FGF2: variants seen among roughly 807,000 people sequenced by gnomAD.
The protein encoded by FGF2 is fibroblast growth factor 2.
Under a neutral mutation model 15.9 loss-of-function variants are expected in FGF2, and 13 were observed. The observed-to-expected ratio is 0.82, with a 90% CI of 0.53 to 1.30. FGF2 has a LOEUF of 1.30. Ranked by LOEUF, FGF2 falls within the 50% of genes most tolerant of loss-of-function variation. The pLI is 0.00. For missense variants in FGF2, 163 were observed against 196.9 expected, an observed-to-expected ratio of 0.83 and a Z score of 1.03; for synonymous variants, 90 against 78.4, an observed-to-expected ratio of 1.15 and a Z score of -0.78.
At chr4:122,851,776 T>A (rs1726237282) in intron 1 of FGF2, among the ~76,000 whole-genome samples, 1 of 152,252 alleles carries the variant, frequency 6.6e-6, no homozygotes, top group African/African-American at 2.4e-5. Flanking sequence ...CTCATTTCTC[T>A]GGTGAGCTCA....
chr4:122,869,185 A>G (rs1259438960), intron 1 of FGF2, among the ~76,000 whole-genome samples: 1 of 151,752 alleles, frequency 6.6e-6, no homozygotes, highest in African/African-American at 2.4e-5. Context: ...GCTCTGCTCC[A>G]TTGGTCTATA....
intron 1 of FGF2, among the ~76,000 whole-genome samples, chr4:122,867,446 C>G (rs1415413937): frequency 6.6e-6 from 1 of 152,138 alleles, no homozygotes; most frequent in Non-Finnish European, 1.5e-5. Context: ...CAATTCAAGA[C>G]CAGTAGGCAA....
At chr4:122,838,783 T>G (rs1725917125) in intron 1 of FGF2, among the ~76,000 whole-genome samples, 1 of 152,228 alleles carries the variant, frequency 6.6e-6, no homozygotes. Context: ...AGACAATTCT[T>G]CTTTAGTATT....
intron 2 of FGF2, among the ~76,000 whole-genome samples, chr4:122,890,884 AT>A (rs1279117352): frequency 6.6e-6 from 1 of 152,204 alleles, no homozygotes; most frequent in African/African-American, 2.4e-5. Flanking sequence ...TAAGTTTATC[AT>A]TCGATTGATA....
intron 2 of FGF2, among the ~76,000 whole-genome samples, chr4:122,886,404 T>G (rs1727060450): frequency 6.6e-6 from 1 of 152,210 alleles, no homozygotes; most frequent in African/African-American, 2.4e-5. Flanking sequence ...TTTCACTTCC[T>G]TTCCATACTA....
At chr4:122,872,997 T>G (rs1726771637) in intron 1 of FGF2, among the ~76,000 whole-genome samples, 1 of 152,220 alleles carries the variant, frequency 6.6e-6, no homozygotes, top group Non-Finnish European at 1.5e-5. Context: ...AATAGCAGCA[T>G]GACGACAGAA....
intron 2 of FGF2, among the ~76,000 whole-genome samples, chr4:122,891,038 TTTG>T (rs879341313): frequency 0.048 from 6,696 of 139,920 alleles, 193 homozygotes; most frequent in South Asian, 0.13. Context: ...TTTTTTTTGT[TTTG>T]TTTTGTTTTG....
intron 2 of FGF2, chr4:122,889,893 T>C (rs1368565141): frequency 6.6e-6 from 1 of 152,184 alleles, no homozygotes; most frequent in Non-Finnish European, 1.5e-5. Context: ...GAGTGCCAGC[T>C]AGCAAGGTGG....
intron 1 of FGF2, among the ~76,000 whole-genome samples, chr4:122,862,491 T>C (rs1244353002): frequency 6.6e-6 from 1 of 152,242 alleles, no homozygotes; most frequent in African/African-American, 2.4e-5. Flanking sequence ...ACTGTTTAAC[T>C]AATGTGTTGA....
intron 1 of FGF2, among the ~76,000 whole-genome samples, chr4:122,866,897 T>C (rs1278290097): frequency 6.6e-6 from 1 of 152,252 alleles, no homozygotes; most frequent in Non-Finnish European, 1.5e-5. Context: ...ATAGCAACGT[T>C]ATTTACGTAG....
chr4:122,849,457 G>T (rs1448239676), intron 1 of FGF2, among the ~76,000 whole-genome samples: 2 of 152,078 alleles, frequency 1.3e-5, no homozygotes, highest in Non-Finnish European at 2.9e-5. Flanking sequence ...GTCAGGGGGT[G>T]GGGGGCTAGG....
rs573652422 is a variant in FGF2, at chr4:122,848,157, A to G, written c.178+20805A>G. The stretch of plus-strand genomic sequence containing the variant: ...CAAGGACACGGGTCAGAGACTTCCT[A>G]ACAGAGGTACTAGACTGGCCTCCTG... On this transcript the variant is annotated intron_variant, in intron 1 of 2. Coordinates refer to ENST00000644866, the MANE Select transcript of FGF2 (RefSeq NM_001361665.2). 8.5e-4 allele frequency among the ~76,000 whole-genome samples: 130 copies of G among 152,236 alleles called. 1 individual carries two copies. Among genetic ancestry groups the G allele is most frequent in the Non-Finnish European group, 1.1e-3 (75 of 68,016 alleles).
chr4:122,859,207 A>G (rs1448776512), intron 1 of FGF2, among the ~76,000 whole-genome samples: 1 of 152,068 alleles, frequency 6.6e-6, no homozygotes, highest in East Asian at 1.9e-4. Flanking sequence ...AATTGCCACT[A>G]AGCCCCATGA....
rs1048407271 is a variant in FGF2, at chr4:122,826,977, C to T, written c.-198C>T. 3 of 1,309,714 alleles carry T rather than the reference C, an allele frequency of 2.3e-6. No individual in the cohort carries two copies. Among genetic ancestry groups the T allele is most frequent in the Non-Finnish European group, 2.9e-6 (3 of 1,026,946 alleles). The allele number at this position is 1,309,714 out of a possible 1,614,324, so 81.1% of individuals were successfully genotyped here. On this transcript the variant is annotated 5_prime_UTR_variant, in exon 1 of 3. Coordinates refer to ENST00000644866, the MANE Select transcript of FGF2 (RefSeq NM_001361665.2). ...CGCCGGCTCGCCGCGCACCAGGGGC[C>T]GGCGGACAGAAGAGCGGCCGAGCGG...
chr4:122,841,928 C>T (rs190377199), intron 1 of FGF2, among the ~76,000 whole-genome samples: 1 of 152,222 alleles, frequency 6.6e-6, no homozygotes, highest in East Asian at 1.9e-4. Flanking sequence ...TTGGTTACAC[C>T]TACTTTGAAT....
intron 2 of FGF2, among the ~76,000 whole-genome samples, chr4:122,887,625 T>A (rs914719220): frequency 1.3e-5 from 2 of 152,220 alleles, no homozygotes; most frequent in African/African-American, 2.4e-5. Context: ...TCTGCTCTAT[T>A]CAAATACTCC....
Position 122,852,420 on chromosome 4 carries a change from G to A in FGF2, c.179-23901G>A, listed in dbSNP as rs562276623. ...GAGAGCAAGCTCCATTGTGTAAGCC[G>A]CTGTTTGCATCCTGTTTGCTAATAT... On this transcript the variant is annotated intron_variant, in intron 1 of 2. Coordinates refer to ENST00000644866, the MANE Select transcript of FGF2 (RefSeq NM_001361665.2). Among the ~76,000 whole-genome samples, 12 of 152,294 alleles carry A rather than the reference G, an allele frequency of 7.9e-5. No homozygotes were observed. The South Asian group carries it at 1.7e-3, about 21-fold the overall frequency.
At chr4:122,882,949 ATT>A (rs1726989487) in intron 2 of FGF2, 1 of 152,182 alleles carries the variant, frequency 6.6e-6, no homozygotes, top group Non-Finnish European at 1.5e-5. Context: ...TAAGTGGCAC[ATT>A]TCTCTCCGAG....
intron 1 of FGF2, among the ~76,000 whole-genome samples, chr4:122,828,169 A>G (rs1725688069): frequency 6.6e-6 from 1 of 152,220 alleles, no homozygotes; most frequent in Admixed American, 6.5e-5. Context: ...TCTAGAAAGA[A>G]CACTGGCCTA....
Sources: gnomAD v4.1 joint callset for allele counts (sites outside exome capture counted in the v4.1 genomes callset) on GRCh38, gnomAD v4.1.1 for gene constraint, MANE v1.5 for transcripts, NCBI Gene and HGNC (gene_info 2026-07-23, HGNC 2026-07-21) for gene names.